MAP2K5: variants seen among roughly 807,000 people sequenced by gnomAD.
The protein encoded by MAP2K5 is mitogen-activated protein kinase kinase 5.
MAP2K5 carries 49 observed loss-of-function variants against 83.1 expected under a neutral mutation model. That is an observed-to-expected ratio of 0.59 (90% confidence interval 0.47 to 0.75). The LOEUF (loss-of-function observed/expected upper bound fraction) is 0.75, where lower values mean the gene tolerates loss of function less well. MAP2K5 is among the 30% of genes least tolerant of loss of function. The pLI is 0.00. For synonymous variants in MAP2K5, 202 were observed against 191.8 expected, an observed-to-expected ratio of 1.05 and a Z score of -0.44; for missense variants, 457 against 557.5, an observed-to-expected ratio of 0.82 and a Z score of 1.82.
chr15:67,618,721 T>G (rs1026638647), intron 8 of MAP2K5, among the ~76,000 whole-genome samples: 2 of 152,236 alleles, frequency 1.3e-5, no homozygotes, highest in Admixed American at 1.3e-4. Flanking sequence ...ATGTATACCT[T>G]TACCCACAAA....
At chr15:67,703,922 T>TCTTA (rs2088485517) in intron 16 of MAP2K5, among the ~76,000 whole-genome samples, 2 of 152,158 alleles carry the variant, frequency 1.3e-5, no homozygotes, top group South Asian at 2.1e-4. Context: ...TCCAGTATAG[T>TCTTA]CTTATCACAT....
intron 11 of MAP2K5, among the ~76,000 whole-genome samples, chr15:67,655,852 G>A (rs2087060025): frequency 6.6e-6 from 1 of 151,956 alleles, no homozygotes; most frequent in South Asian, 2.1e-4. Context: ...TTAAGCATAT[G>A]TCCGTATGCT....
At chr15:67,784,396 A>T (rs1255162276) in intron 21 of MAP2K5, among the ~76,000 whole-genome samples, 1 of 152,270 alleles carries the variant, frequency 6.6e-6, no homozygotes, top group East Asian at 1.9e-4. Context: ...AGGACCACAC[A>T]AACAAACTTG....
At chr15:67,735,642 G>C (rs939403480) in intron 17 of MAP2K5, among the ~76,000 whole-genome samples, 5 of 152,216 alleles carry the variant, frequency 3.3e-5, no homozygotes, top group Non-Finnish European at 7.3e-5. Context: ...GGAAAAGGGA[G>C]TGGTCAGCTC....
chr15:67,709,193 G>A (rs1272324808), intron 16 of MAP2K5, among the ~76,000 whole-genome samples: 1 of 152,162 alleles, frequency 6.6e-6, no homozygotes, highest in African/African-American at 2.4e-5. Context: ...CCACATATGG[G>A]ATTTGTGTGG....
Position 67,592,935 on chromosome 15 carries a change from G to A in MAP2K5, c.441G>A (p.Lys147=), listed in dbSNP as rs1292699402. 1 of 1,607,810 alleles carries A rather than the reference G, an allele frequency of 6.2e-7. No homozygotes were observed. The highest frequency in any genetic ancestry group is 1.7e-5 in the Admixed American group (1 of 59,672). The stretch of plus-strand genomic sequence containing the variant: ...TATCTTTCCTTTTCAGCTTAAAGAA[G>A]TCTTCTGCTGAACTGAAAAAAATAC... ...SDSLPSNSLK[K]SSAELKKILA... is the part of the protein sequence containing the mutation. Residue 147 remains lysine, a synonymous_variant, in exon 7 of 22, where the codon AAG becomes AAA. Transcript: ENST00000178640.
At chr15:67,745,540 G>C (rs1817362317) in intron 17 of MAP2K5, among the ~76,000 whole-genome samples, 1 of 152,182 alleles carries the variant, frequency 6.6e-6, no homozygotes. Flanking sequence ...AAACAACAAA[G>C]AGTTTAGCAG....
chr15:67,672,413 GTGA>G (rs1489636035), intron 13 of MAP2K5, among the ~76,000 whole-genome samples: 1 of 152,080 alleles, frequency 6.6e-6, no homozygotes, highest in African/African-American at 2.4e-5. Flanking sequence ...CTGATGGCCA[GTGA>G]TGATGAGCAT....
chr15:67,628,826 C>T (rs182532521), intron 8 of MAP2K5: 9 of 749,188 alleles, frequency 1.2e-5, no homozygotes, highest in Admixed American at 1.7e-5. Flanking sequence ...TGGTCATGGA[C>T]GAAACTTCAG....
Position 67,680,285 on chromosome 15 carries a change from A to G in MAP2K5, c.848-12194A>G, listed in dbSNP as rs117586992. ...GATTATGAATAATACTACTTTTCAT[A>G]CACAAGTCTTTATGTGGTTCTGTAT... On this transcript the variant is annotated intron_variant, in intron 13 of 21. Transcript: ENST00000178640. Among the ~76,000 whole-genome samples, 1,071 of 152,328 alleles carry G rather than the reference A, an allele frequency of 7.0e-3. 10 individuals are homozygous for G. The highest frequency in any genetic ancestry group is 0.013 in the Non-Finnish European group (870 of 68,022).
At chr15:67,618,138 A>G (rs1485047343) in intron 8 of MAP2K5, among the ~76,000 whole-genome samples, 1 of 152,236 alleles carries the variant, frequency 6.6e-6, no homozygotes, top group African/African-American at 2.4e-5. Flanking sequence ...CATCTTTAAC[A>G]TTTCAAGGAG....
rs2090216836 is a variant in MAP2K5 at position 67,775,261 on chromosome 15, T to A, written c.1242+2509T>A. 6.6e-6 allele frequency among the ~76,000 whole-genome samples: 1 copy of A among 152,242 alleles called. No homozygotes were observed. Among genetic ancestry groups the A allele is most frequent in the Admixed American group, 6.5e-5 (1 of 15,286 alleles). ...ATATCAGTGTTAGAACTCATTTAGTTGTTTAGATATTTTATCCCCTCTACT... is the reference window on the plus strand; with the variant it reads ...ATATCAGTGTTAGAACTCATTTAGTAGTTTAGATATTTTATCCCCTCTACT... On this transcript the variant is annotated intron_variant, in intron 21 of 21. Transcript: ENST00000178640. This position sits in a 1 kb window ranked among gnomAD's most constrained non-coding sequence, Gnocchi z 5.3.
Position 67,770,086 on chromosome 15 carries a change from T to C in MAP2K5, c.1196+423T>C, listed in dbSNP as rs2090114242. Among the ~76,000 whole-genome samples the C allele has an allele frequency of 6.6e-6, 1 of 152,222 alleles. No individual in the cohort carries two copies. The highest frequency in any genetic ancestry group is 2.1e-4 in the South Asian group (1 of 4,832). Reference sequence around the variant, plus strand: ...CATAGTTTATTAATTCATCGGATTTTCAGTAAATAACTTTTATCTTTGGTT... The same window carrying C: ...CATAGTTTATTAATTCATCGGATTTCCAGTAAATAACTTTTATCTTTGGTT... On this transcript the variant is annotated intron_variant, in intron 20 of 21. Transcript: ENST00000178640. The surrounding 1 kb of genome is among the most constrained non-coding windows in gnomAD (Gnocchi z 5.0).
chr15:67,684,897 C>A (rs1388592664), intron 13 of MAP2K5, among the ~76,000 whole-genome samples: 3 of 152,124 alleles, frequency 2.0e-5, no homozygotes, highest in Non-Finnish European at 4.4e-5. Flanking sequence ...TCCAAAATTA[C>A]TCATTTCTAC....
chr15:67,580,254 C>T (rs1434438251), intron 3 of MAP2K5, among the ~76,000 whole-genome samples: 3 of 152,154 alleles, frequency 2.0e-5, no homozygotes, highest in Non-Finnish European at 2.9e-5. Context: ...TTAATCCTGT[C>T]ATCTTTGGAT....
At chr15:67,762,705 AT>A (rs1159594850) in intron 19 of MAP2K5, among the ~76,000 whole-genome samples, 2 of 152,186 alleles carry the variant, frequency 1.3e-5, no homozygotes, top group Non-Finnish European at 2.9e-5. Context: ...AGGAAAAAAA[AT>A]CTCTATAATC....
intron 7 of MAP2K5, among the ~76,000 whole-genome samples, chr15:67,593,522 T>A (rs1244708987): frequency 6.6e-6 from 1 of 152,228 alleles, no homozygotes; most frequent in Non-Finnish European, 1.5e-5. Flanking sequence ...AGTTATTTCT[T>A]ACTAATTTTG....
At chr15:67,656,540 G>C (rs898495264) in intron 11 of MAP2K5, among the ~76,000 whole-genome samples, 2 of 152,060 alleles carry the variant, frequency 1.3e-5, no homozygotes, top group Non-Finnish European at 2.9e-5. Context: ...TGTCTCCTAG[G>C]CTGGTCTCAA....
Position 67,690,646 on chromosome 15 carries a change from C to T in MAP2K5, c.848-1833C>T, listed in dbSNP as rs1281557339. Among the ~76,000 whole-genome samples the T allele has an allele frequency of 1.3e-5, 2 of 151,716 alleles. No homozygotes were observed. Among genetic ancestry groups the T allele is most frequent in the South Asian group, 2.1e-4 (1 of 4,798 alleles). ...TTTCCCAGGTTGAAGCAATTCTCCT[C>T]CCTCAGCCTCCCGAGTAGCTGAGAT... On this transcript the variant is annotated intron_variant, in intron 13 of 21. Transcript: ENST00000178640. This position sits in a 1 kb window ranked among gnomAD's most constrained non-coding sequence, Gnocchi z 4.3.
Sources: gnomAD v4.1 joint callset for allele counts (sites outside exome capture counted in the v4.1 genomes callset) on GRCh38, gnomAD v4.1.1 for gene constraint, Gnocchi (gnomAD v3.1) non-coding constraint, MANE v1.5 for transcripts, NCBI Gene and HGNC (gene_info 2026-07-23, HGNC 2026-07-21) for gene names.